Variants in SLC7A3 observed in about 807,000 individuals in gnomAD.
SLC7A3 encodes the protein solute carrier family 7 member 3.
Under a neutral mutation model 33.2 loss-of-function variants are expected in SLC7A3, and 3 were observed. The observed-to-expected ratio is 0.09, with a 90% CI of 0.04 to 0.23. The LOEUF (loss-of-function observed/expected upper bound fraction) is 0.23. Among genes scored for constraint, SLC7A3 ranks in the 10% least tolerant of loss-of-function variants. The pLI is 1.00. For synonymous variants in SLC7A3, 193 were observed against 195.1 expected, an observed-to-expected ratio of 0.99 and a Z score of 0.09; for missense variants, 360 against 488.8, an observed-to-expected ratio of 0.74 and a Z score of 2.48.
In SLC7A3 at chrX:70,927,381, A is replaced by G; in HGVS notation, c.1187T>C (p.Phe396Ser). 2 of 1,210,492 alleles carry G rather than the reference A, an allele frequency of 1.7e-6. No individual in the cohort carries two copies. The highest frequency in any genetic ancestry group is 1.7e-5 in the African/African-American group (1 of 57,774). ...AGTGAGTTTGAAGAGGAATGCCATG[A>G]ATGCTAAAATTAATAGGCAGGAAAC... ...ATVVSGIIAA[F>S]MAFLFKLTDL... Residue 396 changes from phenylalanine to serine, a missense_variant, in exon 8 of 12, where the codon TTC (phenylalanine) becomes TCC (serine). Phe to Ser is a radical substitution (Grantham distance 155). Coordinates refer to ENST00000374299, the MANE Select transcript of SLC7A3 (RefSeq NM_032803.6).
At position 70,927,581 on chromosome X, in the gene SLC7A3, C is replaced by T. The variant is rs780372002; in HGVS notation, c.1086G>A (p.Ala362=). The change falls in exon 7 of 12, where the codon GCG becomes GCA. Residue 362 remains alanine (A), a synonymous_variant. Coordinates refer to ENST00000374299, the MANE Select transcript of SLC7A3 (RefSeq NM_032803.6). The part of the protein sequence containing the change: ...SMFPMPRVIY[A]MAEDGLLFRV... ...GGAACAGGAGGCCATCCTCTGCCAT[C>T]GCGTAGATCACCCGAGGCATGGGGA... is the stretch of plus-strand genomic sequence containing the variant. 3.3e-6 allele frequency: 4 copies of T among 1,210,326 alleles called. No individual in the cohort carries two copies. Among genetic ancestry groups the T allele is most frequent in the South Asian group, 1.8e-5 (1 of 56,529 alleles).
At chrX:70,926,386 A>G in intron 10 of SLC7A3, 141 bp downstream of exon 10, 3 of 754,485 alleles carry the variant, frequency 4.0e-6, no homozygotes, top group Non-Finnish European at 5.7e-6. Context: ...GTCAGAGAAG[A>G]AGTCTTTGGC....
intron 7 of SLC7A3, 37 bp downstream of exon 7, chrX:70,927,446 GC>G (rs776474257): frequency 1.7e-5 from 20 of 1,208,935 alleles, no homozygotes; most frequent in Non-Finnish European, 1.3e-5. Flanking sequence ...AAAGAAGTTG[GC>G]GAAACAACTA....
chrX:70,928,289 G>T (rs772914264), intron 4 of SLC7A3, 32 bp from the exon 5 acceptor site: 4 of 1,156,686 alleles, frequency 3.5e-6, no homozygotes, highest in East Asian at 3.0e-5. Context: ...AGAAGGTAAG[G>T]GTGTGTTCAG....
chrX:70,930,295 T>G (rs1602238387), intron 1 of SLC7A3, among the ~76,000 whole-genome samples: 1 of 112,041 alleles, frequency 8.9e-6, no homozygotes, highest in African/African-American at 3.2e-5. Context: ...TAGTAAGTGC[T>G]CAATCAATAT....
chrX:70,927,446 G>A, intron 7 of SLC7A3, 38 bp downstream of exon 7: 1 of 1,210,711 alleles, frequency 8.3e-7, no homozygotes, highest in Non-Finnish European at 1.1e-6. Context: ...AAAGAAGTTG[G>A]CGAAACAACT....
rs377660999 is a variant in SLC7A3, at chrX:70,926,511, G to T, written c.1620+16C>A. 582 of 1,186,175 alleles carry T rather than the reference G, an allele frequency of 4.9e-4. No homozygotes were observed. The highest frequency in any genetic ancestry group is 6.3e-4 in the Non-Finnish European group (553 of 883,112). Reference sequence around the variant, plus strand: ...CCAAGATGGGCTGGCAAGGAAAAAAGACAGAGTTCATTTACCTTAAAGTGA... The same window carrying T: ...CCAAGATGGGCTGGCAAGGAAAAAATACAGAGTTCATTTACCTTAAAGTGA... On this transcript the variant is annotated intron_variant, in intron 10 of 11. Coordinates refer to ENST00000374299, the MANE Select transcript of SLC7A3 (RefSeq NM_032803.6).
Position 70,929,947 on chromosome X carries a change from A to G in SLC7A3, c.51T>C (p.Arg17=). 1 of 1,208,493 alleles carries G rather than the reference A, an allele frequency of 8.3e-7. No homozygotes were observed. Among genetic ancestry groups the G allele is most frequent in the Non-Finnish European group, 1.1e-6 (1 of 893,094 alleles). ...RRFGQKLVRR[R]TLESGMAETR... ...TCTCAGCCATGCCTGACTCCAGTGT[A>G]CGTCTGCGTACCAGCTTTTGACCAA... Residue 17 remains arginine, a synonymous_variant, in exon 2 of 12, where the codon CGT becomes CGC. Coordinates refer to ENST00000374299, the MANE Select transcript of SLC7A3 (RefSeq NM_032803.6).
At position 70,928,860 on chromosome X, in the gene SLC7A3, G is replaced by A. The variant is rs761946600; in HGVS notation, c.513C>T (p.Leu171=). ...AEYPDFFALG[L]VLLLTGLLAL... ...TTGCCTCACCAGTGAGCAGCAACAC[G>A]AGGCCCAAAGCAAAGAAATCTGGAT... The change falls in exon 3 of 12, where the codon CTC becomes CTT. Residue 171 remains leucine, a synonymous_variant. Transcript: ENST00000374299. The A allele has an allele frequency of 6.6e-6, 8 of 1,209,556 alleles. No individual in the cohort carries two copies. Among genetic ancestry groups the A allele is most frequent in the Admixed American group, 2.2e-5 (1 of 45,649 alleles).
At chrX:70,927,077 C>G (rs777032067) in intron 8 of SLC7A3, 36 bp from the exon 9 acceptor site, 20 of 1,179,482 alleles carry the variant, frequency 1.7e-5, no homozygotes, top group Non-Finnish European at 2.2e-5. Flanking sequence ...TTAAGAACAA[C>G]CTTTACTCAC....
chrX:70,930,759 T>A (rs902317131), intron 1 of SLC7A3, among the ~76,000 whole-genome samples: 2 of 112,124 alleles, frequency 1.8e-5, no homozygotes, highest in East Asian at 5.6e-4. Context: ...TTCCACCCGA[T>A]GCCCCCCGAC....
chrX:70,927,718 C>T (rs1316687683), intron 6 of SLC7A3, 80 bp downstream of exon 6: 111 of 1,152,774 alleles, frequency 9.6e-5, no homozygotes, highest in Non-Finnish European at 1.3e-4. Context: ...CCTCACAGCC[C>T]TTTTAAGGGG....
intron 1 of SLC7A3, among the ~76,000 whole-genome samples, 189 bp from the exon 2 acceptor site, chrX:70,930,211 C>A (rs2091907928): frequency 8.9e-6 from 1 of 111,860 alleles, no homozygotes; most frequent in African/African-American, 3.2e-5. Flanking sequence ...AATTACAATA[C>A]CTTACAAGGT....
At chrX:70,928,713 C>T in intron 3 of SLC7A3, 80 bp from the exon 4 acceptor site, 4 of 1,120,422 alleles carry the variant, frequency 3.6e-6, no homozygotes, top group Middle Eastern at 6.2e-4. Context: ...TCCTTCCCAG[C>T]TTTTCTTCTT....
chrX:70,927,309 A>T lies in SLC7A3; in HGVS notation c.1259T>A (p.Leu420Gln), dbSNP rs200706408. ...GAGGATGAGAACACAAATCGACACC[A>T]GGGAGTAAGCAAGCAGGGTCCCAAT... ...MSIGTLLAYSLVSICVLILRY... is the reference protein window; with the variant it reads ...MSIGTLLAYSQVSICVLILRY... Residue 420 changes from leucine to glutamine, a missense_variant, in exon 8 of 12, where the codon CTG (leucine) becomes CAG (glutamine). Transcript: ENST00000374299. 1.6e-4 allele frequency: 191 copies of T among 1,209,184 alleles called. No individual in the cohort carries two copies. Among genetic ancestry groups the T allele is most frequent in the Middle Eastern group, 2.3e-4 (1 of 4,375 alleles).
At chrX:70,930,462 C>T (rs892488855) in intron 1 of SLC7A3, among the ~76,000 whole-genome samples, 2 of 111,573 alleles carry the variant, frequency 1.8e-5, no homozygotes, top group African/African-American at 6.5e-5. Context: ...CAGACACAGC[C>T]CCCAGACCCC....
chrX:70,929,635 A>G lies in SLC7A3; in HGVS notation c.363T>C (p.Tyr121=), dbSNP rs1225013398. ...TCCCCCACCATATCTCACCAATGAC[A>G]TAGGAGAGGATGAGGTTCCAGCCAG... ...FTTGWNLILS[Y]VIGTASVARA... Residue 121 remains tyrosine (Y), a synonymous_variant, in exon 2 of 12, where the codon TAT becomes TAC. Coordinates refer to ENST00000374299, the MANE Select transcript of SLC7A3 (RefSeq NM_032803.6). The G allele has an allele frequency of 7.5e-6, 9 of 1,205,179 alleles. No individual in the cohort carries two copies. The African/African-American group carries it at 1.2e-4, about 17-fold the overall frequency.
intron 1 of SLC7A3, among the ~76,000 whole-genome samples, chrX:70,930,485 G>A (rs1285398982): frequency 9.0e-6 from 1 of 111,380 alleles, no homozygotes; most frequent in East Asian, 2.8e-4. Context: ...AGAGGGAGAG[G>A]GGACCAACCT....
chrX:70,928,194 T>G lies in SLC7A3; in HGVS notation c.771A>C (p.Ala257=). The part of the protein sequence containing the change: ...PFGFEGILRG[A]ATCFYAFVGF... Reference sequence around the variant, plus strand: ...CAACAAATGCATAGAAACAGGTCGCTGCTCCACGGAGAATTCCCTCGAAGC... The same window carrying G: ...CAACAAATGCATAGAAACAGGTCGCGGCTCCACGGAGAATTCCCTCGAAGC... Residue 257 remains alanine, a synonymous_variant, in exon 5 of 12, where the codon GCA becomes GCC. Transcript: ENST00000374299. 8.3e-7 allele frequency: 1 copy of G among 1,211,704 alleles called. No homozygotes were observed. The highest frequency in any genetic ancestry group is 1.1e-6 in the Non-Finnish European group (1 of 895,433).
Sources: gnomAD v4.1 joint callset for allele counts (sites outside exome capture counted in the v4.1 genomes callset) on GRCh38, gnomAD v4.1.1 for gene constraint, MANE v1.5 for transcripts, NCBI Gene and HGNC (gene_info 2026-07-23, HGNC 2026-07-21) for gene names.